NCOA6: variants seen among roughly 807,000 people sequenced by gnomAD.
The protein encoded by NCOA6 is NRC RAP250.
A neutral mutation model predicts 171.4 loss-of-function variants in NCOA6; 49 were observed. That is an observed-to-expected ratio of 0.29 (90% CI 0.23 to 0.36). The LOEUF (loss-of-function observed/expected upper bound fraction) is 0.36, where lower values mean the gene tolerates loss of function less well. NCOA6 is among the 10% of genes least tolerant of loss of function. NCOA6 has a pLI of 1.00. For synonymous variants in NCOA6, 910 were observed against 927.5 expected (o/e 0.98, Z 0.34); for missense variants, 2,248 against 2,554.5 (o/e 0.88, Z 2.59).
At position 34,741,067 on chromosome 20, in the gene NCOA6, C is replaced by T. The variant is rs375266173; in HGVS notation, c.5189G>A (p.Arg1730Gln). 13 of 1,614,026 alleles carry T rather than the reference C, an allele frequency of 8.1e-6. No homozygotes were observed. The highest frequency in any genetic ancestry group is 2.7e-5 in the African/African-American group (2 of 74,912). The change falls in exon 11 of 15, where the codon CGA becomes CAA. Residue 1730 changes from arginine (R) to glutamine (Q), a missense_variant. Physicochemically the swap from Arg to Gln is conservative, Grantham distance 43 (BLOSUM62 1). Coordinates refer to ENST00000359003, the MANE Select transcript of NCOA6 (RefSeq NM_014071.5). ...GGCTCGTGAGCTAAGGACCAAAGGT[C>T]GACCTGTCTGGATGTTTGGAGCAGG... Reference protein sequence around the residue: ...SSPAPNIQTGRPLVLSSRATP... With the variant: ...SSPAPNIQTGQPLVLSSRATP...
At chr20:34,772,687 C>T (rs866968913) in intron 4 of NCOA6, among the ~76,000 whole-genome samples, 5 of 151,410 alleles carry the variant, frequency 3.3e-5, no homozygotes, top group Admixed American at 1.3e-4. Context: ...GAGTTCTGAG[C>T]CAGCGGGGCT....
At chr20:34,715,483 C>T (rs1344234529) in intron 14 of NCOA6, 118 bp from the exon 15 acceptor site, 1 of 728,674 alleles carries the variant, frequency 1.4e-6, no homozygotes, top group African/African-American at 1.8e-5. Flanking sequence ...CAGAATCTGT[C>T]TAAGGGGTGC....
Position 34,750,510 on chromosome 20 carries a change from C to A in NCOA6, c.1685G>T (p.Gly562Val). 5 of 1,563,884 alleles carry A rather than the reference C, an allele frequency of 3.2e-6. No individual in the cohort carries two copies. Among genetic ancestry groups the A allele is most frequent in the Non-Finnish European group, 4.3e-6 (5 of 1,159,262 alleles). ...NQNVQHAGGQGAGPPQNQMQV... is the reference protein window; with the variant it reads ...NQNVQHAGGQVAGPPQNQMQV... Reference sequence around the variant, plus strand: ...CATCTGGTTTTGAGGAGGACCAGCTCCTTGACCACCTTAAAAAAAAAAAAA... The same window carrying A: ...CATCTGGTTTTGAGGAGGACCAGCTACTTGACCACCTTAAAAAAAAAAAAA... The change falls in exon 9 of 15, where the codon GGA becomes GTA. Residue 562 changes from glycine to valine, a missense_variant. This residue lies in a region of NCOA6 where 987 missense variants were observed against 1,104.7 expected (regional missense o/e 0.89). Coordinates refer to ENST00000359003, the MANE Select transcript of NCOA6 (RefSeq NM_014071.5).
In NCOA6 at chr20:34,715,166, A is replaced by G. The variant is rs749798576; in HGVS notation, c.*156T>C. The G allele has an allele frequency of 1.5e-4, 133 of 902,786 alleles. No individual in the cohort carries two copies. Among genetic ancestry groups the G allele is most frequent in the Non-Finnish European group, 2.1e-4 (123 of 582,056 alleles). 55.9% of individuals were successfully genotyped at this position (902,786 alleles called of 1,614,324 possible). ...AGGGCTCAACAGTCCTGCTTTCCCC[A>G]TTGCACTTTATGAAACAGGTTGCAG... On this transcript the variant is annotated 3_prime_UTR_variant, in exon 15 of 15. Coordinates refer to ENST00000359003, the MANE Select transcript of NCOA6 (RefSeq NM_014071.5).
chr20:34,790,306 T>G (rs926800967), intron 2 of NCOA6, among the ~76,000 whole-genome samples: 1 of 152,044 alleles, frequency 6.6e-6, no homozygotes, highest in Admixed American at 6.6e-5. Flanking sequence ...AAGCCAGACA[T>G]AAAAGGTCAT....
chr20:34,785,006 T>C (rs1307167520), intron 2 of NCOA6, among the ~76,000 whole-genome samples: 1 of 151,538 alleles, frequency 6.6e-6, no homozygotes, highest in Non-Finnish European at 1.5e-5. Flanking sequence ...ACTTGAACCC[T>C]GGAGGCGGAG....
rs1379668578 is a variant in NCOA6, at chr20:34,778,336, C to A, written c.236-1888G>T. ...ACTTATATCAAGGAAGTAGAGTAGT[C>A]CAAAATCATAGAAACAGATAGTAGA... On this transcript the variant is annotated intron_variant, in intron 3 of 14. Transcript: ENST00000359003. Among the ~76,000 whole-genome samples the A allele has an allele frequency of 2.6e-5, 4 of 152,100 alleles. No individual in the cohort carries two copies. The East Asian group carries it at 5.8e-4, about 22-fold the overall frequency.
chr20:34,734,260 C>T (rs576498937), intron 12 of NCOA6, among the ~76,000 whole-genome samples: 77 of 152,222 alleles, frequency 5.1e-4, no homozygotes, highest in Non-Finnish European at 6.8e-4. Flanking sequence ...AACAGGGTTT[C>T]GCCATGTTGG....
chr20:34,805,438 A>T (rs561780118), intron 1 of NCOA6, among the ~76,000 whole-genome samples: 63 of 152,278 alleles, frequency 4.1e-4, no homozygotes, highest in African/African-American at 1.4e-3. Flanking sequence ...TATTTCACTT[A>T]ACATAATGTC....
chr20:34,757,896 TTGTTGCTGC>T lies in NCOA6; in HGVS notation c.843_851del (p.Gln283_Gln285del). The T allele has an allele frequency of 6.2e-7, 1 of 1,613,986 alleles. No homozygotes were observed. Among genetic ancestry groups the T allele is most frequent in the Non-Finnish European group, 8.5e-7 (1 of 1,179,998 alleles). The stretch of plus-strand genomic sequence containing the variant: ...GCTGTGGGGGTCTTGCCTGCAACTG[TTGTTGCTGC>T]TGTTGCTGTTGTTGCTGCTGCTGCT... On this transcript the variant is annotated inframe_deletion, in exon 7 of 15. Transcript: ENST00000359003.
At chr20:34,768,617 T>C in intron 4 of NCOA6, 31 bp from the exon 5 acceptor site, 2 of 1,609,140 alleles carry the variant, frequency 1.2e-6, no homozygotes, top group Non-Finnish European at 1.7e-6. Context: ...AAAAAGGAAA[T>C]CATTAGAATA....
intron 5 of NCOA6, 61 bp downstream of exon 5, chr20:34,768,403 G>T: frequency 6.3e-7 from 1 of 1,598,514 alleles, no homozygotes; most frequent in Non-Finnish European, 8.5e-7. Context: ...GGGCTCAAAT[G>T]ATCAAATAAG....
At chr20:34,802,083 C>T (rs190570692) in intron 1 of NCOA6, among the ~76,000 whole-genome samples, 10 of 152,188 alleles carry the variant, frequency 6.6e-5, no homozygotes, top group Admixed American at 6.5e-4. Flanking sequence ...AGCAAAGAAA[C>T]ATCAAAAAAA....
At chr20:34,787,012 CTA>C (rs1359363805) in intron 2 of NCOA6, among the ~76,000 whole-genome samples, 1 of 151,818 alleles carries the variant, frequency 6.6e-6, no homozygotes, top group Non-Finnish European at 1.5e-5. Flanking sequence ...GCAAAAGAAA[CTA>C]TCATCGGAGT....
In NCOA6 at chr20:34,727,240, C is replaced by G; in HGVS notation, c.6148+19G>C. On this transcript the variant is annotated intron_variant, in intron 14 of 14. Transcript: ENST00000359003. ...TCCTCTATTTGACCCACAAATAGCA[C>G]CCACATCCCACTGCTAACCTTTAGT... 6.2e-7 allele frequency: 1 copy of G among 1,612,218 alleles called. No homozygotes were observed. Among genetic ancestry groups the G allele is most frequent in the Non-Finnish European group, 8.5e-7 (1 of 1,178,886 alleles).
rs1291445234 is a variant in NCOA6 at position 34,757,471 on chromosome 20, T to C, written c.1277A>G (p.Lys426Arg). 6.2e-7 allele frequency: 1 copy of C among 1,613,746 alleles called. No individual in the cohort carries two copies. The highest frequency in any genetic ancestry group is 1.1e-5 in the South Asian group (1 of 91,052). ...TPLQQPHLTN[K>R]SPASSPSSFQ... is the part of the protein sequence containing the mutation. Reference sequence around the variant, plus strand: ...GGAGGAGGGTGAGGAGGCAGGAGACTTGTTGGTGAGGTGGGGCTGCTGCAA... The same window carrying C: ...GGAGGAGGGTGAGGAGGCAGGAGACCTGTTGGTGAGGTGGGGCTGCTGCAA... The change falls in exon 7 of 15, where the codon AAG becomes AGG. Residue 426 changes from lysine (K) to arginine (R), a missense_variant. Coordinates refer to ENST00000359003, the MANE Select transcript of NCOA6 (RefSeq NM_014071.5).
At chr20:34,776,566 A>G (rs775120796) in intron 3 of NCOA6, 118 bp from the exon 4 acceptor site, 1 of 1,152,864 alleles carries the variant, frequency 8.7e-7, no homozygotes. Context: ...TGGAATAGCT[A>G]ACAGAGCATA....
Position 34,741,742 on chromosome 20 carries a change from A to G in NCOA6, c.4514T>C (p.Ile1505Thr). The change falls in exon 11 of 15, where the codon ATT (isoleucine) becomes ACT (threonine). Residue 1505 changes from isoleucine to threonine, a missense_variant. Physicochemically the swap from Ile to Thr is moderately conservative, Grantham distance 89. Around this residue, in one of 7 missense-constraint regions of NCOA6, gnomAD observed 884 missense variants for 941.9 expected, o/e 0.94. Transcript: ENST00000359003. ...LDNSGAPNVT[I>T]KPPGLTDLEV... ...CAGATCTGTAAGCCCAGGGGGTTTA[A>G]TTGTCACATTGGGAGCTCCAGAGTT... The G allele has an allele frequency of 6.2e-7, 1 of 1,614,136 alleles. No homozygotes were observed. The highest frequency in any genetic ancestry group is 8.5e-7 in the Non-Finnish European group (1 of 1,180,006).
intron 5 of NCOA6, 92 bp downstream of exon 5, chr20:34,768,372 T>G (rs2077042108): frequency 6.7e-7 from 1 of 1,499,674 alleles, no homozygotes; most frequent in African/African-American, 1.4e-5. Context: ...AAGTATGCCA[T>G]GAACCCCCAC....
Sources: allele counts gnomAD v4.1 joint callset (sites outside exome capture counted in the v4.1 genomes callset), GRCh38; gene constraint gnomAD v4.1.1; regional missense constraint gnomAD v4.1.1; transcripts MANE v1.5; gene names NCBI Gene and HGNC (gene_info 2026-07-23, HGNC 2026-07-21).